The following KIAA1549 variants were observed in gnomAD, a reference collection of about 807,000 sequenced individuals.
The protein encoded by KIAA1549 is UPF0606 protein KIAA1549.
Under a neutral mutation model 156.4 loss-of-function variants are expected in KIAA1549, and 70 were observed. The observed-to-expected ratio is 0.45, with a 90% CI of 0.37 to 0.55. The LOEUF (loss-of-function observed/expected upper bound fraction) is 0.55. Ranked by LOEUF, KIAA1549 falls within the 20% of genes least tolerant of loss-of-function variation. The pLI, the probability that KIAA1549 is intolerant of heterozygous loss-of-function variation, is 0.00. For missense variants in KIAA1549, 2,428 were observed against 2,540.9 expected (o/e 0.96, Z 0.96); for synonymous variants, 1,103 against 1,066.4 (o/e 1.03, Z -0.67).
chr7:138,941,144 G>A (rs556669419), intron 1 of KIAA1549, among the ~76,000 whole-genome samples: 1 of 151,952 alleles, frequency 6.6e-6, no homozygotes, highest in East Asian at 1.9e-4. Flanking sequence ...TAATAATTTG[G>A]GGTCTGGAAC....
chr7:138,879,435 G>A (rs1325002478), intron 12 of KIAA1549, 103 bp downstream of exon 12: 3 of 664,826 alleles, frequency 4.5e-6, no homozygotes, highest in Non-Finnish European at 7.6e-6. Context: ...CCATTTCCCA[G>A]ATTTCTTTTT....
At chr7:138,891,755 C>T (rs1811553858) in intron 10 of KIAA1549, among the ~76,000 whole-genome samples, 1 of 152,002 alleles carries the variant, frequency 6.6e-6, no homozygotes, top group Admixed American at 6.6e-5. Context: ...GAGAGCAGAA[C>T]GGAGAGAGAG....
At chr7:138,878,144 T>A (rs1811138713) in intron 12 of KIAA1549, among the ~76,000 whole-genome samples, 1 of 152,240 alleles carries the variant, frequency 6.6e-6, no homozygotes, top group Admixed American at 6.5e-5. Context: ...TAAGGGGATG[T>A]CCTTAACATT....
At position 138,832,768 on chromosome 7, in the gene KIAA1549, G is replaced by C. The variant is rs1809575896; in HGVS notation, c.*5138C>G. On this transcript the variant is annotated 3_prime_UTR_variant, in exon 20 of 20. Coordinates refer to ENST00000422774, the MANE Select transcript of KIAA1549 (RefSeq NM_001164665.2). Reference sequence around the variant, plus strand: ...TGTCACACACACAAGCATGGACTTAGCAATGTACCATGATGTTGCGATTTC... The same window carrying C: ...TGTCACACACACAAGCATGGACTTACCAATGTACCATGATGTTGCGATTTC... 4.5e-6 allele frequency: 1 copy of C among 221,758 alleles called. No homozygotes were observed. The allele number at this position is 221,758 out of a possible 1,614,324, so 13.7% of individuals were successfully genotyped here. A position where few individuals can be genotyped will look rare whatever the true frequency, so the allele number is the denominator to read the frequency against.
chr7:138,903,450 G>C lies in KIAA1549; in HGVS notation c.3669+138C>G. ...AGATTCAGTGGCTACCCAATATAGCGATCAGTGGAAATCAGAAATTTCTCA... is the reference window on the plus strand; with the variant it reads ...AGATTCAGTGGCTACCCAATATAGCCATCAGTGGAAATCAGAAATTTCTCA... On this transcript the variant is annotated intron_variant, in intron 8 of 19. Transcript: ENST00000422774. 4 of 852,182 alleles carry C rather than the reference G, an allele frequency of 4.7e-6. No individual in the cohort carries two copies. The South Asian group carries it at 5.5e-5, about 12-fold the overall frequency. The allele number at this position is 852,182 out of a possible 1,614,324, so 52.8% of individuals were successfully genotyped here.
rs1812390111 is a variant in KIAA1549, at chr7:138,917,861, A to G, written c.1765T>C (p.Phe589Leu). 1.2e-6 allele frequency: 2 copies of G among 1,604,580 alleles called. No individual in the cohort carries two copies. The highest frequency in any genetic ancestry group is 2.3e-5 in the South Asian group (2 of 88,834). The change falls in exon 2 of 20, where the codon TTT becomes CTT. Residue 589 changes from phenylalanine (F) to leucine (L), a missense_variant. Physicochemically the swap from Phe to Leu is conservative, Grantham distance 22. This residue lies in a region of KIAA1549 where 893 missense variants were observed against 847.9 expected (regional missense o/e 1.05). Transcript: ENST00000422774. ...PSLAVRDPSV[F>L]TPYSLVPSVE... ...GAAGGAACCAGACTATAAGGCGTAA[A>G]AACACTCGGGTCTCTGACGGCAAGC...
chr7:138,947,707 G>A (rs1307859042), intron 1 of KIAA1549, among the ~76,000 whole-genome samples: 1 of 152,100 alleles, frequency 6.6e-6, no homozygotes, highest in Admixed American at 6.5e-5. Context: ...AACTGCAGAT[G>A]TAAACTACAC....
chr7:138,929,233 T>C (rs896994947), intron 1 of KIAA1549, among the ~76,000 whole-genome samples: 1 of 152,240 alleles, frequency 6.6e-6, no homozygotes, highest in Non-Finnish European at 1.5e-5. Context: ...AACTGTTTTA[T>C]CGACTAGGCT....
intron 1 of KIAA1549, among the ~76,000 whole-genome samples, chr7:138,938,865 C>T (rs2718137): frequency 0.24 from 36,145 of 152,008 alleles, 4,937 homozygotes; most frequent in African/African-American, 0.38. Flanking sequence ...CTAGCCAATA[C>T]GGCGAAACCC....
chr7:138,837,567 T>C lies in KIAA1549; in HGVS notation c.*339A>G. ...AAACGCTTGGTTCCTTTCATCCCTATGCTGTCTATACAGTTTAATCTCTAC... is the reference window on the plus strand; with the variant it reads ...AAACGCTTGGTTCCTTTCATCCCTACGCTGTCTATACAGTTTAATCTCTAC... On this transcript the variant is annotated 3_prime_UTR_variant, in exon 20 of 20. Transcript: ENST00000422774. 7.1e-6 allele frequency: 3 copies of C among 425,478 alleles called. No individual in the cohort carries two copies. The highest frequency in any genetic ancestry group is 1.2e-5 in the Non-Finnish European group (3 of 241,688). The allele number at this position is 425,478 out of a possible 1,614,324, so 26.4% of individuals were successfully genotyped here. A position where few individuals can be genotyped will look rare whatever the true frequency, so the allele number is the denominator to read the frequency against.
chr7:138,913,099 C>G (rs929981879), intron 2 of KIAA1549, among the ~76,000 whole-genome samples: 7 of 152,146 alleles, frequency 4.6e-5, no homozygotes, highest in Admixed American at 4.6e-4. Context: ...TGGTCTTGAT[C>G]TCCTAACCTT....
intron 1 of KIAA1549, among the ~76,000 whole-genome samples, chr7:138,954,016 A>C (rs1293142126): frequency 6.6e-6 from 1 of 152,014 alleles, no homozygotes; most frequent in African/African-American, 2.4e-5. Flanking sequence ...TATGTTTAGT[A>C]ATCAACAGTC....
intron 1 of KIAA1549, among the ~76,000 whole-genome samples, chr7:138,945,070 A>T (rs1383608292): frequency 6.6e-6 from 1 of 152,236 alleles, no homozygotes; most frequent in African/African-American, 2.4e-5. Flanking sequence ...TCCTAGGTCC[A>T]GTTAAATACC....
In KIAA1549 at chr7:138,918,371, T is replaced by C; in HGVS notation, c.1255A>G (p.Thr419Ala). 1.2e-6 allele frequency: 2 copies of C among 1,613,812 alleles called. No homozygotes were observed. Among genetic ancestry groups the C allele is most frequent in the East Asian group, 2.2e-5 (1 of 44,862 alleles). The change falls in exon 2 of 20, where the codon ACT (threonine) becomes GCT (alanine). Residue 419 changes from threonine (T) to alanine (A), a missense_variant. By Grantham distance (58) the Thr-to-Ala change is moderately conservative. Transcript: ENST00000422774. The surrounding 1 kb of genome is among the most constrained non-coding windows in gnomAD (Gnocchi z 4.2). ...LSPVSSFRPY[T>A]WCAACTVPSP... ...GGCACAGTGCAGGCCGCACACCAAGTGTATGGTCTGAATGAGGACACCGGG... is the reference window on the plus strand; with the variant it reads ...GGCACAGTGCAGGCCGCACACCAAGCGTATGGTCTGAATGAGGACACCGGG...
intron 1 of KIAA1549, among the ~76,000 whole-genome samples, chr7:138,971,300 G>A (rs559950221): frequency 4.6e-5 from 7 of 151,894 alleles, no homozygotes; most frequent in Non-Finnish European, 7.4e-5. Context: ...AGATCTGCTC[G>A]CCTCCCACCC....
Position 138,844,329 on chromosome 7 carries a change from C to T in KIAA1549, c.5440G>A (p.Gly1814Arg), listed in dbSNP as rs747209602. 82 of 1,613,810 alleles carry T rather than the reference C, an allele frequency of 5.1e-5. No homozygotes were observed. Among genetic ancestry groups the T allele is most frequent in the Non-Finnish European group, 6.4e-5 (75 of 1,179,896 alleles). The change falls in exon 18 of 20, where the codon GGG becomes AGG. Residue 1814 changes from glycine to arginine, a missense_variant. Gly to Arg is a moderately radical substitution (Grantham distance 125). Coordinates refer to ENST00000422774, the MANE Select transcript of KIAA1549 (RefSeq NM_001164665.2). ...MPSVARPRPVGGTTGSQIQHL... is the reference protein window; with the variant it reads ...MPSVARPRPVRGTTGSQIQHL... Reference sequence around the variant, plus strand: ...CAGCCACATATACCTGTGGTACCCCCGACAGGCCGAGGCCGGGCCACCGAC... The same window carrying T: ...CAGCCACATATACCTGTGGTACCCCTGACAGGCCGAGGCCGGGCCACCGAC...
At chr7:138,884,523 T>C (rs903855961) in intron 10 of KIAA1549, among the ~76,000 whole-genome samples, 2 of 152,198 alleles carry the variant, frequency 1.3e-5, no homozygotes, top group Non-Finnish European at 2.9e-5. Flanking sequence ...AGATTCTTTG[T>C]GGTAATAAGA....
At chr7:138,967,364 C>G (rs2130566354) in intron 1 of KIAA1549, among the ~76,000 whole-genome samples, 1 of 152,274 alleles carries the variant, frequency 6.6e-6, no homozygotes, top group South Asian at 2.1e-4. Flanking sequence ...TCCCTGATAA[C>G]AGGAAATCTG....
In KIAA1549 at chr7:138,919,042, G is replaced by C; in HGVS notation, c.584C>G (p.Thr195Ser). The change falls in exon 2 of 20, where the codon ACT becomes AGT. Residue 195 changes from threonine to serine, a missense_variant. By Grantham distance (58) the Thr-to-Ser change is moderately conservative. Transcript: ENST00000422774. ...TAAAGAAACCATGGGTAATGATGGA[G>C]TGAGCATAGGTTCTAATGCTTCCCT... ...LPREALEPML[T>S]PSLPMVSLQD... is the part of the protein sequence containing the mutation. The C allele has an allele frequency of 6.2e-7, 1 of 1,614,048 alleles. No homozygotes were observed. Among genetic ancestry groups the C allele is most frequent in the Non-Finnish European group, 8.5e-7 (1 of 1,179,904 alleles).
Sources: gnomAD v4.1 joint callset for allele counts (sites outside exome capture counted in the v4.1 genomes callset) on GRCh38, gnomAD v4.1.1 for gene constraint, gnomAD v4.1.1 regional missense constraint, Gnocchi (gnomAD v3.1) non-coding constraint, MANE v1.5 for transcripts, NCBI Gene and HGNC (gene_info 2026-07-23, HGNC 2026-07-21) for gene names.